Variants in HOMER1 observed in about 807,000 individuals in gnomAD.
The protein encoded by HOMER1 is homer protein homolog 1.
A neutral mutation model predicts 48.9 loss-of-function variants in HOMER1; 3 were observed. That is an observed-to-expected ratio of 0.06 (90% CI 0.03 to 0.16). The LOEUF (loss-of-function observed/expected upper bound fraction) is 0.16, where lower values mean the gene tolerates loss of function less well. HOMER1 is among the 10% of genes least tolerant of loss of function. HOMER1 has a pLI of 1.00. For missense variants in HOMER1, 247 were observed against 411.4 expected (o/e 0.60, Z 3.46); for synonymous variants, 134 against 146.4 (o/e 0.92, Z 0.61).
chr5:79,445,953 C>A (rs765181090), intron 4 of HOMER1, among the ~76,000 whole-genome samples: 1 of 152,156 alleles, frequency 6.6e-6, no homozygotes, highest in Admixed American at 6.5e-5. Context: ...GTAAAACAAA[C>A]CCTATTGTTT....
At chr5:79,411,589 A>G (rs1392680737) in intron 5 of HOMER1, among the ~76,000 whole-genome samples, 1 of 152,128 alleles carries the variant, frequency 6.6e-6, no homozygotes, top group Non-Finnish European at 1.5e-5. Context: ...AAAAGGCTCT[A>G]TTTTCAAAAT....
At chr5:79,407,807 C>T (rs1389577083) in intron 5 of HOMER1, among the ~76,000 whole-genome samples, 1 of 152,138 alleles carries the variant, frequency 6.6e-6, no homozygotes, top group African/African-American at 2.4e-5. Flanking sequence ...CATGAAACCA[C>T]AGATGCAAAA....
At chr5:79,484,070 G>T (rs1398569325) in intron 1 of HOMER1, among the ~76,000 whole-genome samples, 1 of 150,942 alleles carries the variant, frequency 6.6e-6, no homozygotes, top group African/African-American at 2.4e-5. Context: ...AAAAAGTGGG[G>T]TTTATAACAT....
chr5:79,401,461 C>T (rs1749535325), intron 6 of HOMER1, among the ~76,000 whole-genome samples: 1 of 152,136 alleles, frequency 6.6e-6, no homozygotes, highest in African/African-American at 2.4e-5. Context: ...GTCTTGTAAA[C>T]CAGAAATGGA....
intron 6 of HOMER1, among the ~76,000 whole-genome samples, chr5:79,400,293 G>T (rs1749500213): frequency 6.6e-6 from 1 of 151,306 alleles, no homozygotes; most frequent in Non-Finnish European, 1.5e-5. Flanking sequence ...ACACAGGATA[G>T]AATAACATTT....
intron 2 of HOMER1, among the ~76,000 whole-genome samples, chr5:79,456,037 A>C (rs10066083): frequency 0.63 from 96,087 of 151,652 alleles, 33,634 homozygotes; most frequent in East Asian, 0.99. Context: ...CGCCTGTAAT[A>C]CCAGCTACTG....
At chr5:79,390,126 AAAT>A (rs1299592793) in intron 8 of HOMER1, among the ~76,000 whole-genome samples, 1 of 152,056 alleles carries the variant, frequency 6.6e-6, no homozygotes, top group African/African-American at 2.4e-5. Flanking sequence ...CTTCTACAAA[AAAT>A]TAAAAAATTA....
At chr5:79,401,399 A>T (rs1382667486) in intron 6 of HOMER1, among the ~76,000 whole-genome samples, 3 of 152,202 alleles carry the variant, frequency 2.0e-5, no homozygotes, top group Non-Finnish European at 4.4e-5. Flanking sequence ...CTTATCAAAG[A>T]TCATACAGAT....
intron 5 of HOMER1, among the ~76,000 whole-genome samples, chr5:79,407,032 CAAAA>C (rs900726036): frequency 2.6e-5 from 4 of 151,924 alleles, no homozygotes; most frequent in African/African-American, 7.3e-5. Flanking sequence ...TGCACACACA[CAAAA>C]AAAGACCAAA....
intron 5 of HOMER1, among the ~76,000 whole-genome samples, chr5:79,410,787 T>A (rs974355920): frequency 2.6e-5 from 4 of 152,288 alleles, no homozygotes; most frequent in Non-Finnish European, 4.4e-5. Flanking sequence ...AATTAATACC[T>A]TAGGATTAAT....
intron 1 of HOMER1, among the ~76,000 whole-genome samples, chr5:79,490,043 A>G (rs1752225833): frequency 6.6e-6 from 1 of 152,236 alleles, no homozygotes; most frequent in South Asian, 2.1e-4. Flanking sequence ...AGGTGATGTC[A>G]ATCACTGCAA....
chr5:79,381,198 C>T (rs550859857), intron 8 of HOMER1, among the ~76,000 whole-genome samples: 5 of 152,332 alleles, frequency 3.3e-5, no homozygotes, highest in East Asian at 3.9e-4. Flanking sequence ...ACAGCCTCCA[C>T]GAACTGCACC....
chr5:79,431,510 T>G (rs911640766), intron 5 of HOMER1, among the ~76,000 whole-genome samples: 13 of 152,012 alleles, frequency 8.6e-5, no homozygotes, highest in African/African-American at 2.9e-4. Context: ...GTACAGGGTT[T>G]TTTGGGGGTG....
In HOMER1 at chr5:79,374,327, A is replaced by C. The variant is rs1290902043; in HGVS notation, c.*1682T>G. On this transcript the variant is annotated 3_prime_UTR_variant, in exon 9 of 9. Coordinates refer to ENST00000334082, the MANE Select transcript of HOMER1 (RefSeq NM_004272.5). ...GCACATATAATACATGATTGTTATA[A>C]ATTTTTCAGAGACACCTGAAAACTC... The C allele has an allele frequency of 6.6e-6, 1 of 152,406 alleles. No individual in the cohort carries two copies. Among genetic ancestry groups the C allele is most frequent in the African/African-American group, 2.4e-5 (1 of 41,446 alleles). The allele number at this position is 152,406 out of a possible 1,614,324, so 9.4% of individuals were successfully genotyped here.
chr5:79,465,694 G>A (rs1751445337), intron 1 of HOMER1, among the ~76,000 whole-genome samples: 1 of 139,400 alleles, frequency 7.2e-6, no homozygotes, highest in African/African-American at 2.7e-5. Flanking sequence ...CCAGGTTCAC[G>A]CCATTCTCCT....
At chr5:79,493,148 A>G in intron 1 of HOMER1, among the ~76,000 whole-genome samples, 1 of 151,960 alleles carries the variant, frequency 6.6e-6, no homozygotes, top group Admixed American at 6.6e-5. Context: ...TGAACTCCTG[A>G]CCTCAGGCGA....
chr5:79,461,580 A>G (rs1179890884), intron 1 of HOMER1, among the ~76,000 whole-genome samples: 1 of 152,210 alleles, frequency 6.6e-6, no homozygotes, highest in African/African-American at 2.4e-5. Context: ...AAACCAATCT[A>G]ACACCAAATA....
chr5:79,458,168 A>G (rs1751222414), intron 1 of HOMER1, among the ~76,000 whole-genome samples: 1 of 152,152 alleles, frequency 6.6e-6, no homozygotes, highest in Non-Finnish European at 1.5e-5. Flanking sequence ...ATCATTACAG[A>G]ATTCTTTACA....
intron 1 of HOMER1, among the ~76,000 whole-genome samples, chr5:79,479,007 G>C (rs10069284): frequency 0.25 from 38,227 of 152,048 alleles, 5,081 homozygotes; most frequent in South Asian, 0.46. Context: ...ATTTTAGAAA[G>C]TACTTATTAT....
Sources: gnomAD v4.1 joint callset for allele counts (sites outside exome capture counted in the v4.1 genomes callset) on GRCh38, gnomAD v4.1.1 for gene constraint, MANE v1.5 for transcripts, NCBI Gene and HGNC (gene_info 2026-07-23, HGNC 2026-07-21) for gene names.